The following TENM2 variants were observed in gnomAD, a reference collection of about 807,000 sequenced individuals.
TENM2 encodes the protein teneurin transmembrane protein 2.
Under a neutral mutation model 245.2 loss-of-function variants are expected in TENM2, and 52 were observed. That is an observed-to-expected ratio of 0.21 (90% CI 0.17 to 0.27). The LOEUF (loss-of-function observed/expected upper bound fraction) is 0.27. Among genes scored for constraint, TENM2 ranks in the 10% least tolerant of loss-of-function variants. TENM2 has a pLI of 1.00. For missense variants in TENM2, 3,046 were observed against 3,666.8 expected (o/e 0.83, Z 4.37); for synonymous variants, 1,363 against 1,438.9 (o/e 0.95, Z 1.19).
chr5:167,674,491 A>G (rs1179834762), intron 2 of TENM2, among the ~76,000 whole-genome samples: 1 of 152,280 alleles, frequency 6.6e-6, no homozygotes, highest in Admixed American at 6.5e-5. Flanking sequence ...TGCAAAACTG[A>G]CAGTCAAAAG....
intron 1 of TENM2, among the ~76,000 whole-genome samples, chr5:167,330,224 G>A (rs972541878): frequency 1.4e-4 from 22 of 152,180 alleles, no homozygotes; most frequent in South Asian, 2.1e-4. Flanking sequence ...TTAACTGAGT[G>A]CTTGATAAAT....
intron 2 of TENM2, among the ~76,000 whole-genome samples, chr5:167,697,915 T>C (rs983622361): frequency 7.2e-5 from 11 of 152,328 alleles, no homozygotes; most frequent in African/African-American, 2.6e-4. Flanking sequence ...CTTAGGTTAT[T>C]TAACAAAGAA....
chr5:168,144,256 T>A (rs549498831), intron 12 of TENM2, among the ~76,000 whole-genome samples: 2 of 152,258 alleles, frequency 1.3e-5, no homozygotes, highest in African/African-American at 4.8e-5. Flanking sequence ...TGTATACATG[T>A]GGCATGCTGG....
At chr5:167,795,692 A>C (rs1298305249) in intron 2 of TENM2, among the ~76,000 whole-genome samples, 2 of 152,166 alleles carry the variant, frequency 1.3e-5, no homozygotes, top group Admixed American at 6.6e-5. Flanking sequence ...ATTTCCAAAA[A>C]AAAATGATGT....
intron 2 of TENM2, among the ~76,000 whole-genome samples, chr5:167,727,647 T>C (rs1391868901): frequency 5.3e-5 from 8 of 152,274 alleles, no homozygotes; most frequent in Non-Finnish European, 7.3e-5. Context: ...ACATTTTGTG[T>C]GCACACATTG....
chr5:167,985,262 A>G (rs1783156446), intron 4 of TENM2, among the ~76,000 whole-genome samples: 1 of 151,922 alleles, frequency 6.6e-6, no homozygotes, highest in Non-Finnish European at 1.5e-5. Flanking sequence ...AATTTCAGAC[A>G]CTGCTTGTAT....
chr5:167,504,254 AC>A (rs1372300566), intron 2 of TENM2, among the ~76,000 whole-genome samples: 1 of 151,996 alleles, frequency 6.6e-6, no homozygotes, highest in African/African-American at 2.4e-5. Flanking sequence ...TGAAACGTGG[AC>A]CCCCATGCAT....
chr5:168,159,550 A>G (rs1429375637), intron 12 of TENM2, among the ~76,000 whole-genome samples: 1 of 152,184 alleles, frequency 6.6e-6, no homozygotes, highest in East Asian at 1.9e-4. Context: ...CTGGCTTTGC[A>G]CTTTACAAAC....
Position 168,013,299 on chromosome 5 carries a change from T to G in TENM2, c.1186+20117T>G, listed in dbSNP as rs144470111. On this transcript the variant is annotated intron_variant, in intron 5 of 28. Coordinates refer to ENST00000518659, the Ensembl canonical transcript of TENM2. ...ATCAACAGTGTCTGATTAGAGTACT[T>G]GAATATTCAAAAGCCAAGTTTCAGC... 2.3e-4 allele frequency among the ~76,000 whole-genome samples: 35 copies of G among 152,226 alleles called. 1 individual carries two copies. The East Asian group carries it at 6.2e-3, about 27-fold the overall frequency.
Position 167,612,351 on chromosome 5 carries a change from C to G in TENM2, c.502+236878C>G, listed in dbSNP as rs539897670. Among the ~76,000 whole-genome samples the G allele has an allele frequency of 7.9e-5, 12 of 152,148 alleles. No homozygotes were observed. The South Asian group carries it at 2.5e-3, about 32-fold the overall frequency. On this transcript the variant is annotated intron_variant, in intron 2 of 28. Coordinates refer to ENST00000518659, the Ensembl canonical transcript of TENM2. Reference sequence around the variant, plus strand: ...CCATGGAAACGAACTCACCCAACCCCCAAAGATAAGTTAATGTGGCATTTA... The same window carrying G: ...CCATGGAAACGAACTCACCCAACCCGCAAAGATAAGTTAATGTGGCATTTA...
chr5:168,216,903 C>A, exon 22 of TENM2: 4 of 1,613,948 alleles, frequency 2.5e-6, no homozygotes, highest in South Asian at 1.1e-5. Flanking sequence ...AGCTGTGATT[C>A]CAGCATGGAT....
intron 2 of TENM2, among the ~76,000 whole-genome samples, chr5:167,595,868 T>C (rs1284850670): frequency 1.3e-5 from 2 of 151,920 alleles, no homozygotes; most frequent in Non-Finnish European, 2.9e-5. Flanking sequence ...TTCCCTCTCC[T>C]CCCCCATAAA....
At chr5:167,447,205 A>G (rs1240284346) in intron 2 of TENM2, among the ~76,000 whole-genome samples, 8 of 152,224 alleles carry the variant, frequency 5.3e-5, no homozygotes, top group Non-Finnish European at 1.2e-4. Context: ...TTTCTATCCT[A>G]TGAAATACAG....
chr5:167,921,794 C>T (rs923550403), intron 3 of TENM2, among the ~76,000 whole-genome samples: 17 of 152,136 alleles, frequency 1.1e-4, no homozygotes, highest in Admixed American at 8.5e-4. Flanking sequence ...TATGAACAGA[C>T]ATTGTACAAA....
At chr5:168,217,047 T>G in intron 22 of TENM2, 125 bp downstream of exon 24, 129 of 1,099,324 alleles carry the variant, frequency 1.2e-4, no homozygotes, top group Non-Finnish European at 1.5e-4. Flanking sequence ...ATCACGGGGT[T>G]GTTTGGAGAA....
chr5:167,287,087 G>T (rs975837193), intron 1 of TENM2, among the ~76,000 whole-genome samples: 1 of 152,214 alleles, frequency 6.6e-6, no homozygotes, highest in African/African-American at 2.4e-5. Context: ...ATATGCAAGT[G>T]CAATTCCTTC....
At chr5:167,989,790 G>A (rs1751084628) in intron 4 of TENM2, among the ~76,000 whole-genome samples, 1 of 152,182 alleles carries the variant, frequency 6.6e-6, no homozygotes, top group Admixed American at 6.6e-5. Context: ...GGGTAACTGG[G>A]AGTAAAGGAA....
intron 2 of TENM2, among the ~76,000 whole-genome samples, chr5:167,801,150 A>G (rs1001983460): frequency 6.7e-5 from 6 of 89,370 alleles, no homozygotes; most frequent in South Asian, 3.3e-4. Flanking sequence ...ATATATATAT[A>G]TATGTATATA....
intron 2 of TENM2, among the ~76,000 whole-genome samples, chr5:167,801,095 G>GAAAAAAAA (rs1176405769): frequency 1.8e-4 from 9 of 50,708 alleles, no homozygotes; most frequent in African/African-American, 3.5e-4. Context: ...TATTTGAAAA[G>GAAAAAAAA]AAAAAAAAAA....
Sources: gnomAD v4.1 joint callset for allele counts (sites outside exome capture counted in the v4.1 genomes callset) on GRCh38, gnomAD v4.1.1 for gene constraint, MANE v1.5 for transcripts, NCBI Gene and HGNC (gene_info 2026-07-23, HGNC 2026-07-21) for gene names.